The following LUZP2 variants were observed in gnomAD, a reference collection of about 807,000 sequenced individuals.
LUZP2 encodes the protein leucine zipper protein 2.
Under a neutral mutation model 51.6 loss-of-function variants are expected in LUZP2, and 52 were observed. The observed-to-expected ratio is 1.01, with a 90% CI of 0.81 to 1.27. LUZP2 has a LOEUF of 1.27. LUZP2 is among the 50% of genes most tolerant of loss of function. The pLI is 0.00. For synonymous variants in LUZP2, 154 were observed against 137.3 expected, an observed-to-expected ratio of 1.12 and a Z score of -0.85; for missense variants, 436 against 395.4, an observed-to-expected ratio of 1.10 and a Z score of -0.87.
At chr11:24,822,796 GTGAA>G (rs1850398852) in intron 5 of LUZP2, among the ~76,000 whole-genome samples, 1 of 152,024 alleles carries the variant, frequency 6.6e-6, no homozygotes, top group African/African-American at 2.4e-5. Flanking sequence ...CTATATTTAG[GTGAA>G]TGATGTTTTC....
At chr11:24,669,356 T>C (rs1856324722) in intron 1 of LUZP2, among the ~76,000 whole-genome samples, 1 of 152,174 alleles carries the variant, frequency 6.6e-6, no homozygotes. Context: ...ACCCAGTACT[T>C]TTCTATCTTA....
At chr11:24,824,992 A>G (rs1308367296) in intron 5 of LUZP2, among the ~76,000 whole-genome samples, 2 of 152,160 alleles carry the variant, frequency 1.3e-5, no homozygotes, top group African/African-American at 4.8e-5. Flanking sequence ...AAACAATGTT[A>G]GATCTGATGC....
chr11:24,819,914 A>G (rs1417390945), intron 5 of LUZP2, among the ~76,000 whole-genome samples: 1 of 152,158 alleles, frequency 6.6e-6, no homozygotes, highest in Non-Finnish European at 1.5e-5. Context: ...GAAAATGACA[A>G]TTCCTTACTT....
intron 1 of LUZP2, among the ~76,000 whole-genome samples, chr11:24,616,501 G>GTGTGTGTGTGTGTGTGTT (rs1854295312): frequency 6.6e-6 from 1 of 151,580 alleles, no homozygotes; most frequent in South Asian, 2.1e-4. Context: ...GTGTGTGTGT[G>GTGTGTGTGTGTGTGTGTT]TATGTTAATG....
intron 6 of LUZP2, among the ~76,000 whole-genome samples, chr11:24,910,233 A>C (rs78627992): frequency 6.6e-6 from 1 of 152,130 alleles, no homozygotes; most frequent in South Asian, 2.1e-4. Flanking sequence ...GAAAATTTGC[A>C]TACTGACAAT....
intron 9 of LUZP2, 104 bp from the exon 10 acceptor site, chr11:25,049,934 A>G: frequency 2.0e-6 from 1 of 510,184 alleles, no homozygotes; most frequent in Admixed American, 3.8e-5. Context: ...TTGCTATAAT[A>G]TTATATCATG....
intron 2 of LUZP2, among the ~76,000 whole-genome samples, chr11:24,730,610 T>C (rs978478211): frequency 6.6e-6 from 1 of 151,778 alleles, no homozygotes; most frequent in Non-Finnish European, 1.5e-5. Flanking sequence ...TGAATAAGAC[T>C]GGGAAGAATA....
At chr11:24,760,763 C>T (rs565457692) in intron 4 of LUZP2, among the ~76,000 whole-genome samples, 1 of 152,162 alleles carries the variant, frequency 6.6e-6, no homozygotes, top group Non-Finnish European at 1.5e-5. Flanking sequence ...GGTACTGGAA[C>T]TATTGCAGCT....
chr11:24,954,274 C>T (rs1200722264), intron 7 of LUZP2, among the ~76,000 whole-genome samples: 1 of 152,042 alleles, frequency 6.6e-6, no homozygotes, highest in Admixed American at 6.6e-5. Context: ...CTTCTACCTC[C>T]CTATCTCGCA....
At chr11:24,984,965 A>T (rs1006682228) in intron 9 of LUZP2, among the ~76,000 whole-genome samples, 8 of 151,512 alleles carry the variant, frequency 5.3e-5, no homozygotes, top group Non-Finnish European at 1.0e-4. Flanking sequence ...TAGCTCATTG[A>T]TCTGTTTAAT....
At chr11:24,920,281 A>G (rs12278803) in intron 7 of LUZP2, among the ~76,000 whole-genome samples, 74,345 of 151,780 alleles carry the variant, frequency 0.49, 18,633 homozygotes, top group East Asian at 0.83. Flanking sequence ...GAAATAAAAT[A>G]GTGGCTTAGT....
At position 24,899,228 on chromosome 11, in the gene LUZP2, T is replaced by A. The variant is rs943721671; in HGVS notation, c.397-6763T>A. Among the ~76,000 whole-genome samples, 24 of 152,274 alleles carry A rather than the reference T, an allele frequency of 1.6e-4. 2 individuals are homozygous for A. The South Asian group carries it at 3.7e-3, about 24-fold the overall frequency. On this transcript the variant is annotated intron_variant, in intron 5 of 11. Transcript: ENST00000336930. ...TGTGTCTTTTATAATTTTATAATGG[T>A]TCGCTCATCTTCAGATTTATTATAT...
At chr11:25,035,661 A>G (rs2133998128) in intron 9 of LUZP2, among the ~76,000 whole-genome samples, 1 of 152,214 alleles carries the variant, frequency 6.6e-6, no homozygotes, top group South Asian at 2.1e-4. Flanking sequence ...ATCAACATCT[A>G]AGGACATTTC....
chr11:24,696,142 T>C (rs1857239882), intron 1 of LUZP2, among the ~76,000 whole-genome samples: 1 of 152,064 alleles, frequency 6.6e-6, no homozygotes, highest in Non-Finnish European at 1.5e-5. Context: ...ACAGTGGTCT[T>C]GGTATTTAAA....
intron 7 of LUZP2, among the ~76,000 whole-genome samples, chr11:24,929,320 T>C (rs1188842742): frequency 2.0e-5 from 3 of 152,156 alleles, no homozygotes; most frequent in African/African-American, 7.2e-5. Context: ...GATTGTCTAT[T>C]TGTGCTTTTC....
intron 5 of LUZP2, among the ~76,000 whole-genome samples, chr11:24,852,809 C>T (rs938697537): frequency 6.6e-6 from 1 of 152,078 alleles, no homozygotes; most frequent in African/African-American, 2.4e-5. Flanking sequence ...TTGCATTGAT[C>T]CCTTTACCAT....
At chr11:24,856,240 A>G (rs566885973) in intron 5 of LUZP2, among the ~76,000 whole-genome samples, 3 of 152,188 alleles carry the variant, frequency 2.0e-5, no homozygotes, top group African/African-American at 7.2e-5. Context: ...AAGGAACTTA[A>G]CAACAAGAAA....
intron 1 of LUZP2, among the ~76,000 whole-genome samples, chr11:24,523,285 TTTTA>T (rs767767214): frequency 2.6e-4 from 40 of 151,922 alleles, no homozygotes; most frequent in Non-Finnish European, 5.3e-4. Flanking sequence ...AGTAGCTTAT[TTTTA>T]TTTAAAGTTT....
In LUZP2 at chr11:24,732,125, A is replaced by G. The variant is rs1410339150; in HGVS notation, c.188A>G (p.Lys63Arg). 1.2e-6 allele frequency: 2 copies of G among 1,608,140 alleles called. No individual in the cohort carries two copies. Among genetic ancestry groups the G allele is most frequent in the Non-Finnish European group, 1.7e-6 (2 of 1,176,328 alleles). Reference sequence around the variant, plus strand: ...TTCCACTTTTCTTATCAGTCCTTAAAAAACGATGAGCAGTCTGCCAAAACT... The same window carrying G: ...TTCCACTTTTCTTATCAGTCCTTAAGAAACGATGAGCAGTCTGCCAAAACT... ...DGIKVNLQSL[K>R]NDEQSAKTDV... Residue 63 changes from lysine to arginine, a missense_variant, in exon 3 of 12, where the codon AAA (lysine) becomes AGA (arginine). Coordinates refer to ENST00000336930, the MANE Select transcript of LUZP2 (RefSeq NM_001009909.4).
Sources: allele counts gnomAD v4.1 joint callset (sites outside exome capture counted in the v4.1 genomes callset), GRCh38; gene constraint gnomAD v4.1.1; transcripts MANE v1.5; gene names NCBI Gene and HGNC (gene_info 2026-07-23, HGNC 2026-07-21).